CALN1: variants seen among roughly 807,000 people sequenced by gnomAD.
CALN1 encodes calcium-binding protein 8.
CALN1 carries 17 observed loss-of-function variants against 30.6 expected under a neutral mutation model. The observed-to-expected ratio is 0.56, with a 90% confidence interval of 0.38 to 0.83. The LOEUF (loss-of-function observed/expected upper bound fraction) is 0.83. CALN1 is among the 40% of genes least tolerant of loss of function. CALN1 has a pLI of 0.00. For missense variants in CALN1, 291 were observed against 354.9 expected (o/e 0.82, Z 1.45); for synonymous variants, 156 against 131.4 (o/e 1.19, Z -1.28).
intron 1 of CALN1, among the ~76,000 whole-genome samples, chr7:72,407,502 G>C (rs539305079): frequency 6.6e-6 from 1 of 152,162 alleles, no homozygotes; most frequent in South Asian, 2.1e-4. Context: ...TGTTGCAAGT[G>C]TGTGCAAACA....
At position 71,889,094 on chromosome 7, in the gene CALN1, C is replaced by T. The variant is rs117126320; in HGVS notation, c.502-78602G>A. On this transcript the variant is annotated intron_variant, in intron 5 of 6. Coordinates refer to ENST00000395275, the MANE Select transcript of CALN1 (RefSeq NM_031468.4). ...CACCCCAGTGCCCAGGACCCAGGTG[C>T]GATGTGAGATCAGGTGTCTTAGTTC... Among the ~76,000 whole-genome samples, 1,428 of 152,232 alleles carry T rather than the reference C, an allele frequency of 9.4e-3. 11 individuals carry two copies. Among genetic ancestry groups the T allele is most frequent in the Admixed American group, 0.02 (300 of 15,304 alleles).
intron 6 of CALN1, among the ~76,000 whole-genome samples, chr7:71,797,408 C>T (rs531421055): frequency 1.7e-4 from 26 of 152,284 alleles, no homozygotes; most frequent in African/African-American, 6.0e-4. Flanking sequence ...GCTATTTATG[C>T]ACCCTAAAAT....
intron 1 of CALN1, among the ~76,000 whole-genome samples, chr7:72,435,140 T>C (rs948841215): frequency 1.3e-5 from 2 of 148,204 alleles, no homozygotes; most frequent in African/African-American, 5.0e-5. Context: ...AAGGCTGAGG[T>C]GGGAGGATCA....
At chr7:72,106,808 GGAAGGAA>G (rs1807181020) in intron 3 of CALN1, among the ~76,000 whole-genome samples, 1 of 71,364 alleles carries the variant, frequency 1.4e-5, no homozygotes, top group African/African-American at 5.6e-5. Context: ...AAGGGAGGGA[GGAAGGAA>G]GGGAGGGAGG....
chr7:71,988,951 C>A (rs1798813595), intron 5 of CALN1, among the ~76,000 whole-genome samples: 1 of 152,172 alleles, frequency 6.6e-6, no homozygotes, highest in Non-Finnish European at 1.5e-5. Context: ...AGTCCCACAG[C>A]AAACAGGAGG....
chr7:71,871,105 T>C (rs1380551024), intron 5 of CALN1, among the ~76,000 whole-genome samples: 2 of 152,198 alleles, frequency 1.3e-5, no homozygotes, highest in East Asian at 1.9e-4. Flanking sequence ...AGATTCTCAA[T>C]CTACTTAAGA....
At chr7:72,346,316 G>A (rs1417558229) in intron 2 of CALN1, among the ~76,000 whole-genome samples, 1 of 151,948 alleles carries the variant, frequency 6.6e-6, no homozygotes, top group Non-Finnish European at 1.5e-5. Flanking sequence ...CAACTAGTCA[G>A]TTACCTCTTT....
At chr7:72,456,047 G>A in the CALN1 span, among the ~76,000 whole-genome samples, 7 of 152,072 alleles carry the variant, frequency 4.6e-5, no homozygotes, top group Non-Finnish European at 1.0e-4. Flanking sequence ...AGCTGGGCCT[G>A]GTGGCACGCA....
At chr7:72,400,940 C>A (rs1806296540) in intron 2 of CALN1, among the ~76,000 whole-genome samples, 1 of 152,158 alleles carries the variant, frequency 6.6e-6, no homozygotes, top group Non-Finnish European at 1.5e-5. Context: ...CAAGGAGACT[C>A]CTCTCTGCTT....
intron 4 of CALN1, among the ~76,000 whole-genome samples, chr7:72,029,942 G>A (rs1434921350): frequency 1.3e-5 from 2 of 152,236 alleles, no homozygotes. Flanking sequence ...CGTGGACTTT[G>A]AAATGGTGTC....
At chr7:72,128,928 A>G (rs2129542687) in intron 3 of CALN1, among the ~76,000 whole-genome samples, 1 of 152,334 alleles carries the variant, frequency 6.6e-6, no homozygotes, top group East Asian at 1.9e-4. Context: ...AAGCTAAGTG[A>G]AAAATCAGAA....
intron 5 of CALN1, among the ~76,000 whole-genome samples, chr7:71,906,438 A>G (rs1794141186): frequency 6.6e-6 from 1 of 152,174 alleles, no homozygotes; most frequent in African/African-American, 2.4e-5. Flanking sequence ...GAAATATAGT[A>G]GTCACTAGAG....
At chr7:72,390,486 C>A (rs1182239171) in intron 2 of CALN1, among the ~76,000 whole-genome samples, 1 of 152,056 alleles carries the variant, frequency 6.6e-6, no homozygotes, top group East Asian at 1.9e-4. Flanking sequence ...GACAGTGAAA[C>A]GTGGCTGAGA....
At chr7:71,824,999 C>G (rs1788828331) in intron 5 of CALN1, among the ~76,000 whole-genome samples, 1 of 152,196 alleles carries the variant, frequency 6.6e-6, no homozygotes, top group African/African-American at 2.4e-5. Flanking sequence ...CCAGCGTGAC[C>G]AGGCCAAGCG....
In CALN1 at chr7:72,180,849, G is replaced by A. The variant is rs554544504; in HGVS notation, c.245-74555C>T. On this transcript the variant is annotated intron_variant, in intron 3 of 6. Transcript: ENST00000395275. ...ACGGTGGCTCACACCTATAATCCAA[G>A]CACTTTGGGAGGCCAAGAAGGGCGG... Among the ~76,000 whole-genome samples, 119 of 151,918 alleles carry A rather than the reference G, an allele frequency of 7.8e-4. 1 individual carries two copies. Among genetic ancestry groups the A allele is most frequent in the African/African-American group, 2.6e-3 (109 of 41,484 alleles).
chr7:71,942,197 C>A, intron 5 of CALN1: 1 of 170,402 alleles, frequency 5.9e-6, no homozygotes, highest in Non-Finnish European at 1.3e-5. Flanking sequence ...GTCTCTGTCT[C>A]AAAAACGAAA....
At chr7:72,385,188 TTGA>T (rs1562937634) in intron 2 of CALN1, among the ~76,000 whole-genome samples, 1 of 152,220 alleles carries the variant, frequency 6.6e-6, no homozygotes, top group African/African-American at 2.4e-5. Flanking sequence ...AAGAACTTTC[TTGA>T]TGATGGGAAT....
chr7:72,153,371 C>G (rs1787403034), intron 3 of CALN1, among the ~76,000 whole-genome samples: 1 of 152,090 alleles, frequency 6.6e-6, no homozygotes, highest in Non-Finnish European at 1.5e-5. Flanking sequence ...TACCTGCTGC[C>G]AGTACTGGAT....
chr7:71,854,761 TGTGA>T (rs547562135), intron 5 of CALN1, among the ~76,000 whole-genome samples: 78 of 152,374 alleles, frequency 5.1e-4, no homozygotes, highest in African/African-American at 1.8e-3. Flanking sequence ...ATTCATTCAC[TGTGA>T]GTGTCTGTCA....
Sources: allele counts gnomAD v4.1 joint callset (sites outside exome capture counted in the v4.1 genomes callset), GRCh38; gene constraint gnomAD v4.1.1; transcripts MANE v1.5; gene names NCBI Gene and HGNC (gene_info 2026-07-23, HGNC 2026-07-21).